Variants in CYFIP1 observed in about 807,000 individuals in gnomAD.
CYFIP1 encodes cytoplasmic FMR1-interacting protein 1.
In CYFIP1, 58 loss-of-function variants were observed where a neutral mutation model predicts 163.5. The ratio of observed to expected loss-of-function variants is 0.35; its 90% CI spans 0.29 to 0.44. CYFIP1 has a LOEUF of 0.44. Ranked by LOEUF, CYFIP1 falls within the 20% of genes least tolerant of loss-of-function variation. The pLI is 1.00. For synonymous variants in CYFIP1, 663 were observed against 660.7 expected (o/e 1.00, Z -0.05); for missense variants, 1,338 against 1,653.8 (o/e 0.81, Z 3.31).
intron 11 of CYFIP1, among the ~76,000 whole-genome samples, chr15:22,928,300 G>A (rs1180867300): frequency 6.6e-6 from 1 of 152,122 alleles, no homozygotes; most frequent in Non-Finnish European, 1.5e-5. Flanking sequence ...GGAGAATGGC[G>A]TGAGCCCGGG....
rs1380064298 is a variant in CYFIP1, at chr15:22,944,847, A to T, written c.285+15T>A. The T allele has an allele frequency of 1.2e-6, 2 of 1,612,548 alleles. No individual in the cohort carries two copies. The highest frequency in any genetic ancestry group is 1.7e-5 in the Admixed American group (1 of 59,992). On this transcript the variant is annotated intron_variant, in intron 4 of 30. Coordinates refer to ENST00000617928, the MANE Select transcript of CYFIP1 (RefSeq NM_014608.6). The stretch of plus-strand genomic sequence containing the variant: ...AGGGTGTGGCTGGAGGGGAAGAGCC[A>T]GGCGAGCGTGGCACCTGTGGGATGG...
At chr15:22,974,919 C>T (rs907065528) in intron 1 of CYFIP1, among the ~76,000 whole-genome samples, 3 of 150,838 alleles carry the variant, frequency 2.0e-5, no homozygotes, top group Non-Finnish European at 3.0e-5. Flanking sequence ...TTCCACCTCC[C>T]TCCACTTCTG....
intron 5 of CYFIP1, among the ~76,000 whole-genome samples, chr15:22,943,711 G>C (rs530407223): frequency 1.3e-5 from 2 of 152,056 alleles, no homozygotes; most frequent in Non-Finnish European, 2.9e-5. Flanking sequence ...TTTCCTCTTG[G>C]TAACTTTCAA....
intron 6 of CYFIP1, among the ~76,000 whole-genome samples, chr15:22,940,088 C>T (rs931816938): frequency 2.0e-5 from 3 of 152,156 alleles, no homozygotes; most frequent in Admixed American, 2.0e-4. Context: ...GCTAAGCCTG[C>T]GAGGTCTGGC....
At chr15:22,957,816 G>A (rs1317454310) in intron 1 of CYFIP1, among the ~76,000 whole-genome samples, 2 of 152,138 alleles carry the variant, frequency 1.3e-5, no homozygotes, top group African/African-American at 4.8e-5. Context: ...CAATATTTTT[G>A]TGCAAGCTGT....
chr15:22,926,237 T>G, intron 12 of CYFIP1, 130 bp from the exon 13 acceptor site: 1 of 1,344,278 alleles, frequency 7.4e-7, no homozygotes, highest in Non-Finnish European at 1.0e-6. Context: ...AAGTCACACA[T>G]GAGGGCGCAC....
intron 3 of CYFIP1, chr15:22,946,668 T>C: frequency 2.4e-6 from 1 of 421,352 alleles, no homozygotes; most frequent in South Asian, 2.0e-5. Flanking sequence ...ATAATAACAA[T>C]GCAATTCATT....
chr15:22,947,570 C>T (rs558061292), intron 1 of CYFIP1, among the ~76,000 whole-genome samples: 5 of 152,222 alleles, frequency 3.3e-5, no homozygotes, highest in Admixed American at 3.3e-4. Context: ...ATGGTTCCTG[C>T]CATCCTTCCC....
At position 22,910,833 on chromosome 15, in the gene CYFIP1, A is replaced by G. The variant is rs2060763087; in HGVS notation, c.2083-20T>C. The G allele has an allele frequency of 1.2e-6, 2 of 1,603,138 alleles. No individual in the cohort carries two copies. The highest frequency in any genetic ancestry group is 1.7e-6 in the Non-Finnish European group (2 of 1,170,696). On this transcript the variant is annotated intron_variant, in intron 18 of 30. Coordinates refer to ENST00000617928, the MANE Select transcript of CYFIP1 (RefSeq NM_014608.6). ...ATTCACCTGAAGAAAAAGAAAGCAC[A>G]CGTTACAGTTTGATTCCCTAAAGCA...
intron 11 of CYFIP1, among the ~76,000 whole-genome samples, chr15:22,929,212 G>A (rs1249995297): frequency 5.0e-5 from 7 of 140,074 alleles, no homozygotes; most frequent in Admixed American, 2.9e-4. Flanking sequence ...CAACAAGAGC[G>A]AAACTCCATC....
chr15:22,971,932 G>A (rs113460206), intron 1 of CYFIP1, among the ~76,000 whole-genome samples: 1 of 125,536 alleles, frequency 8.0e-6, no homozygotes, highest in Non-Finnish European at 1.7e-5. Context: ...CAATCTACAG[G>A]TTCAATGCAA....
rs190898601 is a variant in CYFIP1 at position 22,946,959 on chromosome 15, C to T, written c.207+44G>A. On this transcript the variant is annotated intron_variant, in intron 3 of 30. Coordinates refer to ENST00000617928, the MANE Select transcript of CYFIP1 (RefSeq NM_014608.6). Reference sequence around the variant, plus strand: ...AAAGTATACATCTGTCCTTCAAACACGCCCTTCTCTGCAGAGAGAAACAAA... The same window carrying T: ...AAAGTATACATCTGTCCTTCAAACATGCCCTTCTCTGCAGAGAGAAACAAA... The T allele has an allele frequency of 5.2e-5, 79 of 1,524,512 alleles. No individual in the cohort carries two copies. In the African/African-American group the frequency reaches 1.0e-3, roughly 19 times the overall value. The allele number at this position is 1,524,512 out of a possible 1,614,324, so 94.4% of individuals were successfully genotyped here.
intron 21 of CYFIP1, among the ~76,000 whole-genome samples, chr15:22,905,762 TTTTTG>T (rs2060555342): frequency 6.6e-6 from 1 of 150,722 alleles, no homozygotes; most frequent in African/African-American, 2.4e-5. Flanking sequence ...TCTGTTTTTT[TTTTTG>T]TTTTTGTTTT....
intron 11 of CYFIP1, among the ~76,000 whole-genome samples, chr15:22,931,387 G>A (rs1259747096): frequency 2.0e-5 from 3 of 152,158 alleles, no homozygotes; most frequent in East Asian, 3.9e-4. Flanking sequence ...TAAAGAGAAA[G>A]CACCTGTTCT....
intron 1 of CYFIP1, among the ~76,000 whole-genome samples, chr15:22,964,864 T>C (rs1283607871): frequency 6.6e-6 from 1 of 152,126 alleles, no homozygotes; most frequent in Non-Finnish European, 1.5e-5. Context: ...GCGACCCTCA[T>C]TCTACTCTCT....
At chr15:22,921,695 G>A (rs1323477221) in intron 13 of CYFIP1, among the ~76,000 whole-genome samples, 1 of 150,596 alleles carries the variant, frequency 6.6e-6, no homozygotes, top group African/African-American at 2.4e-5. Context: ...GAACCCGGGA[G>A]GTGAAGGTTG....
chr15:22,914,094 C>A (rs1188382399), intron 17 of CYFIP1, among the ~76,000 whole-genome samples: 2 of 152,202 alleles, frequency 1.3e-5, no homozygotes, highest in Non-Finnish European at 2.9e-5. Context: ...CAGTCCTGAT[C>A]CCCAGAACAA....
At chr15:22,973,483 T>A (rs1003775914) in intron 1 of CYFIP1, among the ~76,000 whole-genome samples, 1 of 152,054 alleles carries the variant, frequency 6.6e-6, no homozygotes, top group African/African-American at 2.4e-5. Flanking sequence ...CTTTCCCCCT[T>A]GTATCTAACT....
chr15:22,881,873 G>A lies in CYFIP1; in HGVS notation c.2884C>T (p.Leu962=), dbSNP rs756427119. The A allele has an allele frequency of 2.5e-6, 4 of 1,611,930 alleles. No homozygotes were observed. The highest frequency in any genetic ancestry group is 3.4e-6 in the Non-Finnish European group (4 of 1,180,018). ...LMEVMPKICR[L]PRHEYGSPGI... ...GGAGAGCCGTACTCGTGCCGGGGCA[G>A]GCGGCAGATCTTGGGCATCACCTCC... is the stretch of plus-strand genomic sequence containing the variant. Residue 962 remains leucine, a synonymous_variant, in exon 25 of 31, where the codon CTG becomes TTG. Transcript: ENST00000617928.
Sources: gnomAD v4.1 joint callset for allele counts (sites outside exome capture counted in the v4.1 genomes callset) on GRCh38, gnomAD v4.1.1 for gene constraint, MANE v1.5 for transcripts, NCBI Gene and HGNC (gene_info 2026-07-23, HGNC 2026-07-21) for gene names.